Variants in P2RY2 observed in about 807,000 individuals in gnomAD.
The protein encoded by P2RY2 is purinergic receptor P2Y2, also known as P2Y purinoceptor 2.
For missense variants in P2RY2, 567 were observed against 515.7 expected (o/e 1.10, Z -0.96); for synonymous variants, 241 against 231.9 (o/e 1.04, Z -0.35).
At position 73,234,765 on chromosome 11, in the gene P2RY2, G is replaced by T; in HGVS notation, c.606G>T (p.Met202Ile). 6.2e-7 allele frequency: 1 copy of T among 1,611,494 alleles called. No homozygotes were observed. ...GCTTCGTGGCCTACAGCTCAGTCAT[G>T]CTGGGCCTGCTCTTCGCGGTGCCCT... Reference protein sequence around the residue: ...FSRFVAYSSVMLGLLFAVPFA... With the variant: ...FSRFVAYSSVILGLLFAVPFA... The change falls in exon 3 of 3, where the codon ATG (methionine) becomes ATT (isoleucine). Residue 202 changes from methionine (M) to isoleucine (I), a missense_variant. By Grantham distance (10) the Met-to-Ile change is conservative. Transcript: ENST00000393597.
Position 73,234,719 on chromosome 11 carries a change from C to T in P2RY2, c.560C>T (p.Ser187Leu). ...GGCCGCGTAACCTGCCACGACACCT[C>T]GGCACCCGAGCTCTTCAGCCGCTTC... Reference protein sequence around the residue: ...RGGRVTCHDTSAPELFSRFVA... With the variant: ...RGGRVTCHDTLAPELFSRFVA... Residue 187 changes from serine (S) to leucine (L), a missense_variant, in exon 3 of 3, where the codon TCG becomes TTG. By Grantham distance (145) the Ser-to-Leu change is moderately radical (BLOSUM62 -2). Coordinates refer to ENST00000393597, the MANE Select transcript of P2RY2 (RefSeq NM_002564.4). The T allele has an allele frequency of 1.2e-6, 2 of 1,608,526 alleles. No individual in the cohort carries two copies. The highest frequency in any genetic ancestry group is 1.7e-6 in the Non-Finnish European group (2 of 1,179,304).
rs578242018 is a variant in P2RY2, at chr11:73,231,469, A to T, written c.-4-2687A>T. On this transcript the variant is annotated intron_variant, in intron 2 of 2. Transcript: ENST00000393597. ...CTACTTGGGAGGCTGAGACATGAGA[A>T]TTGCTTGAACCCAGGAGACAGAGGT... Among the ~76,000 whole-genome samples, 3 of 151,370 alleles carry T rather than the reference A, an allele frequency of 2.0e-5. No homozygotes were observed. The East Asian group carries it at 5.8e-4, about 29-fold the overall frequency.
At position 73,241,225 on chromosome 11, in the gene P2RY2, C is replaced by G. The variant is rs1350168685; in HGVS notation, c.*5932C>G. ...TAAATGTCTCTTGTTTCTAATCCAC[C>G]CAGTCGGTGGCATTTTGTTATAGCA... On this transcript the variant is annotated 3_prime_UTR_variant, in exon 3 of 3. Transcript: ENST00000393597. 1 of 152,202 alleles carries G rather than the reference C, an allele frequency of 6.6e-6. No individual in the cohort carries two copies. The highest frequency in any genetic ancestry group is 1.5e-5 in the Non-Finnish European group (1 of 68,038). 9.4% of individuals were successfully genotyped at this position (152,202 alleles called of 1,614,324 possible). A position where few individuals can be genotyped will look rare whatever the true frequency, so the allele number is the denominator to read the frequency against.
chr11:73,229,132 G>A (rs1306656809), intron 2 of P2RY2, among the ~76,000 whole-genome samples: 2 of 152,198 alleles, frequency 1.3e-5, no homozygotes, highest in Non-Finnish European at 2.9e-5. Context: ...ATGTGTTGGG[G>A]TAGAGGATGG....
rs1377949302 is a variant in P2RY2 at position 73,228,208 on chromosome 11, C to T, written c.-5+33C>T. The T allele has an allele frequency of 1.1e-3, 146 of 134,988 alleles. 3 individuals are homozygous for T. Among genetic ancestry groups the T allele is most frequent in the African/African-American group, 3.9e-3 (138 of 35,804 alleles). The allele number at this position is 134,988 out of a possible 1,614,324, so 8.4% of individuals were successfully genotyped here. A position where few individuals can be genotyped will look rare whatever the true frequency, so the allele number is the denominator to read the frequency against. ...GGGTGGGGGTGGGGGGGAGCGGGTA[C>T]GCTGGCCGGGAGGTGAGGGCGGGTG... is the stretch of plus-strand genomic sequence containing the variant. On this transcript the variant is annotated intron_variant, in intron 2 of 2. Coordinates refer to ENST00000393597, the MANE Select transcript of P2RY2 (RefSeq NM_002564.4).
intron 2 of P2RY2, chr11:73,233,879 T>C: frequency 2.1e-6 from 1 of 480,796 alleles, no homozygotes; most frequent in Non-Finnish European, 3.7e-6. Context: ...TGTAAACAGA[T>C]GGGCACCGTT....
intron 2 of P2RY2, among the ~76,000 whole-genome samples, chr11:73,233,154 C>A (rs1453748218): frequency 6.6e-6 from 1 of 152,198 alleles, no homozygotes; most frequent in Non-Finnish European, 1.5e-5. Flanking sequence ...GCCCCCTATC[C>A]CTATCTCCAA....
chr11:73,222,281 G>A (rs1862140769), intron 1 of P2RY2, among the ~76,000 whole-genome samples: 1 of 152,122 alleles, frequency 6.6e-6, no homozygotes, highest in South Asian at 2.1e-4. Flanking sequence ...GCCCTGGCTT[G>A]TAGGAGGGGG....
rs1021477381 is a variant in P2RY2 at position 73,227,161 on chromosome 11, A to G, written c.-199-820A>G. Among the ~76,000 whole-genome samples, 5 of 152,184 alleles carry G rather than the reference A, an allele frequency of 3.3e-5. No homozygotes were observed. In the East Asian group the frequency reaches 9.7e-4, roughly 29 times the overall value. ...TTCTCATTGTTCAACTCCCACTTAT[A>G]AGTGAGAACATGCGGTGTTTAGTTT... On this transcript the variant is annotated intron_variant, in intron 1 of 2. Coordinates refer to ENST00000393597, the MANE Select transcript of P2RY2 (RefSeq NM_002564.4).
At position 73,236,988 on chromosome 11, in the gene P2RY2, T is replaced by A; in HGVS notation, c.*1695T>A. ...TCTCCCTCTGGGAGAGCCCTCGCCC[T>A]GTGGCCCACTCTGCCTGCCCCCTCT... On this transcript the variant is annotated 3_prime_UTR_variant, in exon 3 of 3. Transcript: ENST00000393597. 6.1e-6 allele frequency: 6 copies of A among 985,280 alleles called. No homozygotes were observed. Among genetic ancestry groups the A allele is most frequent in the Non-Finnish European group, 7.2e-6 (6 of 829,854 alleles). The allele number at this position is 985,280 out of a possible 1,614,324, so 61.0% of individuals were successfully genotyped here. A position where few individuals can be genotyped will look rare whatever the true frequency, so the allele number is the denominator to read the frequency against.
intron 1 of P2RY2, among the ~76,000 whole-genome samples, chr11:73,223,665 C>T (rs183048775): frequency 3.3e-5 from 5 of 152,258 alleles, no homozygotes; most frequent in East Asian, 1.9e-4. Context: ...CCTGAACTCA[C>T]GGTTCTTGCC....
In P2RY2 at chr11:73,234,789, C is replaced by T. The variant is rs758267056; in HGVS notation, c.630C>T (p.Pro210=). 6.2e-6 allele frequency: 10 copies of T among 1,611,816 alleles called. No homozygotes were observed. The Admixed American group carries it at 1.5e-4, about 24-fold the overall frequency. The change falls in exon 3 of 3, where the codon CCC becomes CCT. Residue 210 remains proline, a synonymous_variant. Transcript: ENST00000393597. The part of the protein sequence containing the change: ...SVMLGLLFAV[P]FAVILVCYVL... The stretch of plus-strand genomic sequence containing the variant: ...TGCTGGGCCTGCTCTTCGCGGTGCC[C>T]TTTGCCGTCATCCTTGTCTGTTACG...
At position 73,234,005 on chromosome 11, in the gene P2RY2, T is replaced by A. The variant is rs1862536592; in HGVS notation, c.-4-151T>A. The A allele has an allele frequency of 5.8e-5, 46 of 794,274 alleles. 3 individuals are homozygous for A. In the South Asian group the frequency reaches 8.6e-4, roughly 15 times the overall value. The allele number at this position is 794,274 out of a possible 1,614,324, so 49.2% of individuals were successfully genotyped here. A position where few individuals can be genotyped will look rare whatever the true frequency, so the allele number is the denominator to read the frequency against. On this transcript the variant is annotated intron_variant, in intron 2 of 2. Coordinates refer to ENST00000393597, the MANE Select transcript of P2RY2 (RefSeq NM_002564.4). ...TGTGATCCTGATATTTATTCATTGA[T>A]CTCATGCATTCTCAAGGTTCCAGAG...
chr11:73,225,147 AG>A (rs1194123152), intron 1 of P2RY2, among the ~76,000 whole-genome samples: 1 of 152,216 alleles, frequency 6.6e-6, no homozygotes, highest in Non-Finnish European at 1.5e-5. Flanking sequence ...CAGGCTAGAC[AG>A]GGTCTGCCAC....
rs763479857 is a variant in P2RY2, at chr11:73,234,601, C to T, written c.442C>T (p.Arg148Cys). Residue 148 changes from arginine to cysteine, a missense_variant, in exon 3 of 3, where the codon CGC (arginine) becomes TGC (cysteine). By Grantham distance (180) the Arg-to-Cys change is radical. Coordinates refer to ENST00000393597, the MANE Select transcript of P2RY2 (RefSeq NM_002564.4). The stretch of plus-strand genomic sequence containing the variant: ...GCGCTCCCTGCGCTGGGGCCGGGCC[C>T]GCTACGCTCGCCGGGTGGCCGGGGC... ...PLRSLRWGRARYARRVAGAVW... is the reference protein window; with the variant it reads ...PLRSLRWGRACYARRVAGAVW... 133 of 1,566,876 alleles carry T rather than the reference C, an allele frequency of 8.5e-5. No homozygotes were observed. The highest frequency in any genetic ancestry group is 1.1e-4 in the Non-Finnish European group (126 of 1,155,648).
Position 73,236,656 on chromosome 11 carries a change from G to GCTCCCT in P2RY2, c.*1365_*1370dup. On this transcript the variant is annotated 3_prime_UTR_variant, in exon 3 of 3. Transcript: ENST00000393597. ...TGGGTCACAAGGAGGCCAAGTTAGG[G>GCTCCCT]CTCCCTCCTTGCCCTGACCCTGAGG... The GCTCCCT allele has an allele frequency of 1.0e-6, 1 of 985,428 alleles. No homozygotes were observed. Among genetic ancestry groups the GCTCCCT allele is most frequent in the Non-Finnish European group, 1.2e-6 (1 of 829,926 alleles). The allele number at this position is 985,428 out of a possible 1,614,324, so 61.0% of individuals were successfully genotyped here.
intron 2 of P2RY2, among the ~76,000 whole-genome samples, chr11:73,228,993 C>CTTCATTCATTCATTCA (rs58289514): frequency 8.7e-5 from 13 of 150,224 alleles, no homozygotes; most frequent in Admixed American, 6.0e-4. Context: ...CTTGTGCTTG[C>CTTCATTCATTCATTCA]TTCATTCATT....
rs1483162751 is a variant in P2RY2, at chr11:73,218,342, G to GTC, written c.-286_-285dup. The GTC allele has an allele frequency of 6.5e-6, 1 of 152,836 alleles. No homozygotes were observed. The highest frequency in any genetic ancestry group is 2.4e-5 in the African/African-American group (1 of 41,478). The allele number at this position is 152,836 out of a possible 1,614,324, so 9.5% of individuals were successfully genotyped here. A position where few individuals can be genotyped will look rare whatever the true frequency, so the allele number is the denominator to read the frequency against. The stretch of plus-strand genomic sequence containing the variant: ...GGTAGCCGGGCTCCCAGGCACGTGG[G>GTC]TCTCTGCGGCTGCGGCGGGACCCGG... On this transcript the variant is annotated 5_prime_UTR_variant, in exon 1 of 3. Coordinates refer to ENST00000393597, the MANE Select transcript of P2RY2 (RefSeq NM_002564.4).
In P2RY2 at chr11:73,238,048, G is replaced by A. The variant is rs1389169022; in HGVS notation, c.*2755G>A. ...GCCCATCCACTGAGCAGACCCCAGG[G>A]ATTATCCAGCCCAGCTGCAGACTCA... On this transcript the variant is annotated 3_prime_UTR_variant, in exon 3 of 3. Transcript: ENST00000393597. Among the ~76,000 whole-genome samples, 1 of 152,222 alleles carries A rather than the reference G, an allele frequency of 6.6e-6. No homozygotes were observed. The highest frequency in any genetic ancestry group is 1.5e-5 in the Non-Finnish European group (1 of 68,036).
Sources: allele counts gnomAD v4.1 joint callset (sites outside exome capture counted in the v4.1 genomes callset), GRCh38; gene constraint gnomAD v4.1.1; transcripts MANE v1.5; gene names NCBI Gene and HGNC (gene_info 2026-07-23, HGNC 2026-07-21).